CDK13: variants seen among roughly 807,000 people sequenced by gnomAD.
The protein encoded by CDK13 is cyclin-dependent kinase 13.
In CDK13, 40 loss-of-function variants were observed where a neutral mutation model predicts 137.6. That is an observed-to-expected ratio of 0.29 (90% CI 0.23 to 0.38). The LOEUF is 0.38. Among genes scored for constraint, CDK13 ranks in the 10% least tolerant of loss-of-function variants. The pLI, the probability that CDK13 is intolerant of heterozygous loss-of-function variation, is 1.00. For synonymous variants in CDK13, 869 were observed against 760.1 expected, an observed-to-expected ratio of 1.14 and a Z score of -2.36; for missense variants, 1,704 against 1,951.8, an observed-to-expected ratio of 0.87 and a Z score of 2.39.
intron 2 of CDK13, among the ~76,000 whole-genome samples, chr7:39,992,878 A>C (rs558800827): frequency 6.6e-6 from 1 of 152,238 alleles, no homozygotes; most frequent in African/African-American, 2.4e-5. Context: ...AATATTTAAG[A>C]GGTGATTTTA....
At chr7:40,027,243 G>A (rs574187164) in intron 5 of CDK13, among the ~76,000 whole-genome samples, 1 of 152,278 alleles carries the variant, frequency 6.6e-6, no homozygotes, top group East Asian at 1.9e-4. Context: ...TACTCAGGAG[G>A]CTGAGGCAGG....
At chr7:40,026,382 G>T (rs1256145803) in intron 5 of CDK13, among the ~76,000 whole-genome samples, 1 of 152,138 alleles carries the variant, frequency 6.6e-6, no homozygotes, top group Non-Finnish European at 1.5e-5. Flanking sequence ...GGTGGCACAT[G>T]CCTGTAGTCC....
intron 5 of CDK13, among the ~76,000 whole-genome samples, chr7:40,013,489 A>C (rs547800788): frequency 6.6e-6 from 1 of 152,356 alleles, no homozygotes; most frequent in East Asian, 1.9e-4. Context: ...AAACGTGCTA[A>C]GTGAAAGAAA....
intron 2 of CDK13, among the ~76,000 whole-genome samples, chr7:39,995,795 G>T (rs1036913398): frequency 6.6e-6 from 1 of 152,158 alleles, no homozygotes; most frequent in Admixed American, 6.5e-5. Flanking sequence ...ATCATCTGAG[G>T]TCGGGAGTAC....
At chr7:40,069,610 A>G (rs559850629) in intron 9 of CDK13, 58 of 249,650 alleles carry the variant, frequency 2.3e-4, no homozygotes, top group African/African-American at 1.1e-3. Context: ...GAATGATGAG[A>G]CCTAGTGTCA....
At chr7:40,093,997 T>G (rs1256507596) in intron 13 of CDK13, 133 bp from the exon 14 acceptor site, 1 of 1,101,788 alleles carries the variant, frequency 9.1e-7, no homozygotes, top group East Asian at 2.6e-5. Flanking sequence ...ACTTTTTGCT[T>G]TTTTCATTTA....
chr7:39,971,168 C>A (rs1783990548), intron 1 of CDK13, among the ~76,000 whole-genome samples: 1 of 152,196 alleles, frequency 6.6e-6, no homozygotes, highest in Admixed American at 6.5e-5. Flanking sequence ...CCTAGTACAG[C>A]ATTTGATAGT....
At chr7:40,074,990 A>AT (rs1369395892) in intron 9 of CDK13, among the ~76,000 whole-genome samples, 1 of 152,206 alleles carries the variant, frequency 6.6e-6, no homozygotes, top group African/African-American at 2.4e-5. Context: ...AAATCTATAA[A>AT]TTTAGAGTGG....
In CDK13 at chr7:40,028,816, CAAATATATAT is replaced by C. The variant is rs778262585; in HGVS notation, c.2354-17007_2354-16998del. On this transcript the variant is annotated intron_variant, in intron 5 of 13. Coordinates refer to ENST00000181839, the MANE Select transcript of CDK13 (RefSeq NM_003718.5). ...TGAGTTTACTATGACCACAGTAATG[CAAATATATAT>C]AAATATATATAATAATGCAAATATA... Among the ~76,000 whole-genome samples the C allele has an allele frequency of 5.9e-5, 9 of 151,552 alleles. No homozygotes were observed. The South Asian group carries it at 6.2e-4, about 11-fold the overall frequency.
chr7:40,062,700 A>G (rs935775685), intron 7 of CDK13, 126 bp from the exon 8 acceptor site: 2 of 712,664 alleles, frequency 2.8e-6, no homozygotes, highest in Non-Finnish European at 4.9e-6. Context: ...TGTATTTTTT[A>G]GTAGGCAGAT....
In CDK13 at chr7:40,088,266, A is replaced by G; in HGVS notation, c.3170A>G (p.Asn1057Ser). 6.2e-7 allele frequency: 1 copy of G among 1,614,130 alleles called. No homozygotes were observed. The highest frequency in any genetic ancestry group is 8.5e-7 in the Non-Finnish European group (1 of 1,180,012). Residue 1057 changes from asparagine to serine, a missense_variant, in exon 12 of 14, where the codon AAC becomes AGC. By Grantham distance (46) the Asn-to-Ser change is conservative (BLOSUM62 1). Coordinates refer to ENST00000181839, the MANE Select transcript of CDK13 (RefSeq NM_003718.5). The stretch of plus-strand genomic sequence containing the variant: ...CTGGGCTTGGATGACAGCAGAACCA[A>G]CACACCCCAGGGTGTGCTGCCATCT... The part of the protein sequence containing the change: ...LSLGLDDSRT[N>S]TPQGVLPSSQ...
intron 1 of CDK13, among the ~76,000 whole-genome samples, chr7:39,970,327 A>T (rs1770988257): frequency 1.3e-5 from 2 of 151,740 alleles, no homozygotes; most frequent in Admixed American, 6.6e-5. Context: ...TGTCCAAAAA[A>T]ATTTTTGCCT....
intron 7 of CDK13, among the ~76,000 whole-genome samples, chr7:40,057,428 A>C (rs1455928334): frequency 6.6e-6 from 1 of 152,170 alleles, no homozygotes; most frequent in Non-Finnish European, 1.5e-5. Flanking sequence ...GAGGTGAGAA[A>C]AGAGGAGGGA....
In CDK13 at chr7:39,951,319, C is replaced by T. The variant is rs1787178829; in HGVS notation, c.678C>T (p.Ser226=). ...HRRRDGQRGG[S]EASKSRSRHS... Reference sequence around the variant, plus strand: ...GGCGGGATGGGCAGCGCGGTGGCAGCGAGGCCTCCAAGTCCCGCAGCCGCC... The same window carrying T: ...GGCGGGATGGGCAGCGCGGTGGCAGTGAGGCCTCCAAGTCCCGCAGCCGCC... Residue 226 remains serine, a synonymous_variant, in exon 1 of 14, where the codon AGC becomes AGT. Coordinates refer to ENST00000181839, the MANE Select transcript of CDK13 (RefSeq NM_003718.5). 5.7e-6 allele frequency: 8 copies of T among 1,407,858 alleles called. No homozygotes were observed. The highest frequency in any genetic ancestry group is 3.3e-5 in the Admixed American group (1 of 30,358). The allele number at this position is 1,407,858 out of a possible 1,614,324, so 87.2% of individuals were successfully genotyped here.
chr7:39,964,776 C>CCT (rs1284776545), intron 1 of CDK13, among the ~76,000 whole-genome samples: 1 of 151,896 alleles, frequency 6.6e-6, no homozygotes, highest in African/African-American at 2.4e-5. Flanking sequence ...TATAAATTTC[C>CCT]CTCTACACAC....
chr7:40,048,165 A>G (rs1318497205), intron 7 of CDK13: 1 of 244,848 alleles, frequency 4.1e-6, no homozygotes, highest in East Asian at 8.0e-5. Context: ...GTATTCAGAT[A>G]TTAAATATTC....
chr7:40,014,733 G>A (rs867782057), intron 5 of CDK13, among the ~76,000 whole-genome samples: 14 of 152,200 alleles, frequency 9.2e-5, no homozygotes, highest in South Asian at 6.2e-4. Context: ...TGGGATTACA[G>A]GCGTGTGCCA....
chr7:40,028,034 A>G (rs1429304826), intron 5 of CDK13, among the ~76,000 whole-genome samples: 9 of 149,636 alleles, frequency 6.0e-5, no homozygotes, highest in Non-Finnish European at 1.0e-4. Context: ...ATTAGTGTAC[A>G]TTGGGTTTTC....
chr7:40,057,470 C>T, intron 7 of CDK13, among the ~76,000 whole-genome samples: 1 of 152,108 alleles, frequency 6.6e-6, no homozygotes, highest in South Asian at 2.1e-4. Flanking sequence ...AGAAATGGCA[C>T]TTATCACACG....
Sources: gnomAD v4.1 joint callset for allele counts (sites outside exome capture counted in the v4.1 genomes callset) on GRCh38, gnomAD v4.1.1 for gene constraint, MANE v1.5 for transcripts, NCBI Gene and HGNC (gene_info 2026-07-23, HGNC 2026-07-21) for gene names.